BICC1: variants seen among roughly 807,000 people sequenced by gnomAD.
The protein encoded by BICC1 is BicC family RNA binding protein 1.
A neutral mutation model predicts 111.0 loss-of-function variants in BICC1; 43 were observed. The observed-to-expected ratio is 0.39, with a 90% CI of 0.30 to 0.50. The LOEUF is 0.50. BICC1 is among the 20% of genes least tolerant of loss of function. The probability of loss-of-function intolerance (pLI) is 0.88; values close to 1 mark genes in which losing one functional copy is unlikely to be tolerated. For missense variants in BICC1, 1,091 were observed against 1,203.2 expected (o/e 0.91, Z 1.38); for synonymous variants, 467 against 434.4 (o/e 1.07, Z -0.93).
chr10:58,745,542 T>G (rs562228898), intron 3 of BICC1, among the ~76,000 whole-genome samples: 1 of 151,348 alleles, frequency 6.6e-6, no homozygotes, highest in South Asian at 2.1e-4. Flanking sequence ...CAGAACCATG[T>G]TCCCTTCTGG....
intron 3 of BICC1, among the ~76,000 whole-genome samples, chr10:58,773,981 T>A (rs1842684533): frequency 6.6e-6 from 1 of 152,198 alleles, no homozygotes; most frequent in African/African-American, 2.4e-5. Context: ...TTCCATTTAT[T>A]CCAGAAACCT....
At chr10:58,578,145 C>G (rs898726567) in intron 1 of BICC1, among the ~76,000 whole-genome samples, 2 of 152,110 alleles carry the variant, frequency 1.3e-5, no homozygotes, top group African/African-American at 4.8e-5. Flanking sequence ...TTAACATTTT[C>G]CCTTATGAAA....
chr10:58,594,500 A>T (rs1415619316), intron 1 of BICC1, among the ~76,000 whole-genome samples: 1 of 152,180 alleles, frequency 6.6e-6, no homozygotes, highest in Non-Finnish European at 1.5e-5. Flanking sequence ...CAACAAAGGG[A>T]AGCCCATCAG....
At chr10:58,538,882 T>A (rs1384301538) in intron 1 of BICC1, among the ~76,000 whole-genome samples, 1 of 151,710 alleles carries the variant, frequency 6.6e-6, no homozygotes, top group African/African-American at 2.4e-5. Flanking sequence ...AACAAGATAC[T>A]ACTGTACCCC....
chr10:58,554,629 G>A (rs994573167), intron 1 of BICC1, among the ~76,000 whole-genome samples: 42 of 152,022 alleles, frequency 2.8e-4, no homozygotes, highest in African/African-American at 1.0e-3. Context: ...AAAAATGCTT[G>A]TGTGTTTACT....
chr10:58,551,737 A>T (rs1843300491), intron 1 of BICC1, among the ~76,000 whole-genome samples: 4 of 152,128 alleles, frequency 2.6e-5, no homozygotes, highest in African/African-American at 9.7e-5. Context: ...TATAAGTGAG[A>T]TCATACATAA....
At position 58,763,673 on chromosome 10, in the gene BICC1, T is replaced by C. The variant is rs542672051; in HGVS notation, c.308-21328T>C. Reference sequence around the variant, plus strand: ...TTGCTTTTTCTACAGTGTTCTTTCTTAAACTGTGGAGATCCCCATTGCACC... The same window carrying C: ...TTGCTTTTTCTACAGTGTTCTTTCTCAAACTGTGGAGATCCCCATTGCACC... On this transcript the variant is annotated intron_variant, in intron 3 of 20. Coordinates refer to ENST00000373886, the MANE Select transcript of BICC1 (RefSeq NM_001080512.3). Among the ~76,000 whole-genome samples the C allele has an allele frequency of 2.0e-5, 3 of 152,192 alleles. No homozygotes were observed. In the South Asian group the frequency reaches 6.2e-4, roughly 32 times the overall value.
intron 3 of BICC1, among the ~76,000 whole-genome samples, chr10:58,742,231 G>A (rs1190085327): frequency 6.6e-6 from 1 of 151,972 alleles, no homozygotes; most frequent in Non-Finnish European, 1.5e-5. Context: ...TGTATGTTTT[G>A]TCAGAAAGCT....
chr10:58,809,933 G>A (rs1003146846), intron 17 of BICC1, among the ~76,000 whole-genome samples: 27 of 152,178 alleles, frequency 1.8e-4, no homozygotes, highest in African/African-American at 5.8e-4. Context: ...AACTGATCTA[G>A]AGCCATGTTG....
chr10:58,625,011 A>G (rs1845943974), intron 2 of BICC1, among the ~76,000 whole-genome samples: 1 of 152,216 alleles, frequency 6.6e-6, no homozygotes, highest in African/African-American at 2.4e-5. Context: ...TACAGATTAA[A>G]CTATGTATTT....
At chr10:58,710,998 G>A (rs1270308251) in intron 3 of BICC1, among the ~76,000 whole-genome samples, 1 of 152,024 alleles carries the variant, frequency 6.6e-6, no homozygotes, top group African/African-American at 2.4e-5. Flanking sequence ...ACAGGTGCAA[G>A]CCACCATACC....
At chr10:58,623,468 T>A (rs1845890220) in intron 2 of BICC1, among the ~76,000 whole-genome samples, 1 of 152,188 alleles carries the variant, frequency 6.6e-6, no homozygotes, top group Non-Finnish European at 1.5e-5. Flanking sequence ...TGAAATGATA[T>A]ATTTCCCAAA....
Position 58,681,965 on chromosome 10 carries a change from C to T in BICC1, c.238-20109C>T, listed in dbSNP as rs185206327. Among the ~76,000 whole-genome samples the T allele has an allele frequency of 1.3e-4, 20 of 152,008 alleles. No homozygotes were observed. In the East Asian group the frequency reaches 1.7e-3, roughly 13 times the overall value. On this transcript the variant is annotated intron_variant, in intron 2 of 20. Coordinates refer to ENST00000373886, the MANE Select transcript of BICC1 (RefSeq NM_001080512.3). ...ATGTGGCATATTGGTGTGCTGCACC[C>T]GTTAACTCATCATTTACATTAGGTA...
intron 3 of BICC1, among the ~76,000 whole-genome samples, chr10:58,718,582 A>G (rs1030646902): frequency 6.6e-6 from 1 of 152,194 alleles, no homozygotes; most frequent in African/African-American, 2.4e-5. Flanking sequence ...TAATTGATGG[A>G]TAATTTCTAT....
chr10:58,669,932 A>T (rs1272513834), intron 2 of BICC1, among the ~76,000 whole-genome samples: 1 of 152,200 alleles, frequency 6.6e-6, no homozygotes, highest in Non-Finnish European at 1.5e-5. Context: ...GTAAACATTC[A>T]TGAATTCTTA....
Position 58,800,919 on chromosome 10 carries a change from A to T in BICC1, c.1888A>T (p.Met630Leu). ...TAATGATGCTTTTGTTGAAGTAGGCATGCCTCGAAGTCCTTCCCATTCTGG... is the reference window on the plus strand; with the variant it reads ...TAATGATGCTTTTGTTGAAGTAGGCTTGCCTCGAAGTCCTTCCCATTCTGG... ...GCNDAFVEVG[M>L]PRSPSHSGNA... is the part of the protein sequence containing the mutation. The change falls in exon 14 of 21, where the codon ATG becomes TTG. Residue 630 changes from methionine to leucine, a missense_variant. Transcript: ENST00000373886. 6.2e-7 allele frequency: 1 copy of T among 1,607,290 alleles called. No homozygotes were observed. The highest frequency in any genetic ancestry group is 1.3e-5 in the African/African-American group (1 of 74,590).
At chr10:58,656,343 AT>A (rs1203387246) in intron 2 of BICC1, among the ~76,000 whole-genome samples, 1 of 150,822 alleles carries the variant, frequency 6.6e-6, no homozygotes, top group Non-Finnish European at 1.5e-5. Flanking sequence ...TCCCTAACTC[AT>A]TTTATGAGGC....
rs1204406899 is a variant in BICC1 at position 58,800,176 on chromosome 10, T to G, written c.1726-18T>G. The G allele has an allele frequency of 6.5e-7, 1 of 1,545,226 alleles. No homozygotes were observed. On this transcript the variant is annotated intron_variant, in intron 12 of 20. Transcript: ENST00000373886. ...AATTGTGACCATATTTATACATTAT[T>G]TTCTATTATTATTTTAGTCTCCAGA...
rs879547814 is a variant in BICC1, at chr10:58,769,402, G to GTATATATATATATATATATATATA, written c.308-15598_308-15597insATATATATATATATATATATATAT. ...TGTGTGTGTGTGTGTGTGTGTGTGT[G>GTATATATATATATATATATATATA]TGTATATATATATATATATATATAA... On this transcript the variant is annotated intron_variant, in intron 3 of 20. Transcript: ENST00000373886. Among the ~76,000 whole-genome samples, 74 of 112,180 alleles carry GTATATATATATATATATATATATA rather than the reference G, an allele frequency of 6.6e-4. 2 individuals are homozygous for GTATATATATATATATATATATATA. The highest frequency in any genetic ancestry group is 1.3e-3 in the South Asian group (4 of 3,064). 73.6% of individuals were successfully genotyped at this position (112,180 alleles called of 152,430 possible).
Sources: allele counts gnomAD v4.1 joint callset (sites outside exome capture counted in the v4.1 genomes callset), GRCh38; gene constraint gnomAD v4.1.1; transcripts MANE v1.5; gene names NCBI Gene and HGNC (gene_info 2026-07-23, HGNC 2026-07-21).